The following ATP13A3 variants were observed in gnomAD, a reference collection of about 807,000 sequenced individuals.
ATP13A3 encodes ATPase 13A3.
In ATP13A3, 59 loss-of-function variants were observed where a neutral mutation model predicts 158.1. That is an observed-to-expected ratio of 0.37 (90% CI 0.30 to 0.46). The LOEUF is 0.46. Ranked by LOEUF, ATP13A3 falls within the 20% of genes least tolerant of loss-of-function variation. The probability of loss-of-function intolerance (pLI) is 1.00; values close to 1 mark genes in which losing one functional copy is unlikely to be tolerated. For missense variants in ATP13A3, 1,166 were observed against 1,525.2 expected, an observed-to-expected ratio of 0.76 and a Z score of 3.92; for synonymous variants, 491 against 504.3, an observed-to-expected ratio of 0.97 and a Z score of 0.35.
intron 1 of ATP13A3, among the ~76,000 whole-genome samples, chr3:194,486,217 C>G (rs947944304): frequency 6.6e-6 from 1 of 152,104 alleles, no homozygotes; most frequent in African/African-American, 2.4e-5. Flanking sequence ...TGAGGACGAG[C>G]TAGGGTCCCG....
chr3:194,415,661 C>CTTTTTT lies in ATP13A3; in HGVS notation c.3403-1828_3403-1823dup, dbSNP rs751005733. On this transcript the variant is annotated intron_variant, in intron 31 of 33. Coordinates refer to ENST00000645319, the MANE Select transcript of ATP13A3 (RefSeq NM_001367549.1). ...GTGCAAGGATTTACAATACCACATT[C>CTTTTTT]TTTTTTTTTTTTTTTTTTTTTTTTT... 3.4e-4 allele frequency among the ~76,000 whole-genome samples: 31 copies of CTTTTTT among 90,928 alleles called. 1 individual carries two copies. Among genetic ancestry groups the CTTTTTT allele is most frequent in the African/African-American group, 1.2e-3 (26 of 21,120 alleles). 59.7% of individuals were successfully genotyped at this position (90,928 alleles called of 152,430 possible). A position where few individuals can be genotyped will look rare whatever the true frequency, so the allele number is the denominator to read the frequency against.
At chr3:194,469,089 C>T (rs1455978820) in intron 2 of ATP13A3, among the ~76,000 whole-genome samples, 2 of 151,466 alleles carry the variant, frequency 1.3e-5, no homozygotes, top group African/African-American at 2.4e-5. Flanking sequence ...GCCAAGACTG[C>T]GCCACTGCAC....
chr3:194,409,735 T>C (rs1715218860), intron 33 of ATP13A3, among the ~76,000 whole-genome samples: 1 of 130,020 alleles, frequency 7.7e-6, no homozygotes, highest in African/African-American at 3.1e-5. Flanking sequence ...AGAGAGTAAG[T>C]ATTAACACCC....
At chr3:194,446,435 T>C (rs9882961) in intron 14 of ATP13A3, among the ~76,000 whole-genome samples, 16,378 of 152,236 alleles carry the variant, frequency 0.11, 1,486 homozygotes, top group African/African-American at 0.24. Context: ...GATGGCATCC[T>C]GTCTAGGGCT....
chr3:194,439,357 C>G (rs1717881528), intron 16 of ATP13A3, among the ~76,000 whole-genome samples: 1 of 152,166 alleles, frequency 6.6e-6, no homozygotes, highest in Non-Finnish European at 1.5e-5. Flanking sequence ...TTTCTGCTAC[C>G]AAGAAAGGAT....
upstream of ATP13A3, among the ~76,000 whole-genome samples, chr3:194,489,185 C>A (rs1384180346): frequency 6.6e-6 from 1 of 152,226 alleles, no homozygotes; most frequent in African/African-American, 2.4e-5. This position sits in a 1 kb window ranked among gnomAD's most constrained non-coding sequence, Gnocchi z 4.1. Context: ...TGGCTCATGC[C>A]TGTAATCCCA....
chr3:194,406,249 GA>G lies in ATP13A3; in HGVS notation c.3574-134del, dbSNP rs756177368. On this transcript the variant is annotated intron_variant, in intron 33 of 33. Transcript: ENST00000645319. ...TGACTTCTGAGCACAACGAATGGGG[GA>G]AAAAAAAATCCATGTTAAAAAAAGG... 3.8e-3 allele frequency: 3,529 copies of G among 921,806 alleles called. 11 individuals are homozygous for G. Among genetic ancestry groups the G allele is most frequent in the Middle Eastern group, 9.4e-3 (36 of 3,846 alleles). 57.1% of individuals were successfully genotyped at this position (921,806 alleles called of 1,614,324 possible).
At position 194,438,871 on chromosome 3, in the gene ATP13A3, T is replaced by G. The variant is rs1275349104; in HGVS notation, c.1812A>C (p.Ala604=). 1 of 1,591,356 alleles carries G rather than the reference T, an allele frequency of 6.3e-7. No homozygotes were observed. ...PKQLLPESTP[A]GNQEMELFEL... is the part of the protein sequence containing the mutation. ...GATTTCTCACCATTTCTTGGTTTCC[T>G]GCAGGGGTAGATTCAGGAAGCAGTT... Residue 604 remains alanine, a synonymous_variant, in exon 17 of 34, where the codon GCA becomes GCC. Transcript: ENST00000645319.
intron 30 of ATP13A3, among the ~76,000 whole-genome samples, chr3:194,423,559 G>A (rs927354497): frequency 6.6e-6 from 1 of 152,156 alleles, no homozygotes; most frequent in Admixed American, 6.5e-5. Flanking sequence ...CTTTTCAGAA[G>A]GCATGCTTTA....
At chr3:194,434,746 G>A (rs12152358) in intron 20 of ATP13A3, among the ~76,000 whole-genome samples, 30,536 of 151,922 alleles carry the variant, frequency 0.2, 3,552 homozygotes, top group African/African-American at 0.32. Flanking sequence ...GTGAGACCCC[G>A]TCTCTACAAA....
At chr3:194,413,904 A>G in intron 31 of ATP13A3, 65 bp from the exon 32 acceptor site, 1 of 1,371,256 alleles carries the variant, frequency 7.3e-7, no homozygotes, top group Non-Finnish European at 1.0e-6. Flanking sequence ...GCACTGTATC[A>G]TAATTTCTAA....
At chr3:194,447,259 C>T (rs1718470184) in intron 13 of ATP13A3, 144 bp from the exon 14 acceptor site, 2 of 644,838 alleles carry the variant, frequency 3.1e-6, no homozygotes, top group Admixed American at 3.7e-5. Flanking sequence ...TATCTATTAA[C>T]CATATATAAT....
chr3:194,469,170 A>C (rs948506790), intron 2 of ATP13A3, among the ~76,000 whole-genome samples: 4 of 151,906 alleles, frequency 2.6e-5, no homozygotes, highest in Non-Finnish European at 5.9e-5. Flanking sequence ...ATCATTCAAA[A>C]TTCACAGCTG....
intron 33 of ATP13A3, among the ~76,000 whole-genome samples, chr3:194,411,900 C>T (rs1715462722): frequency 6.6e-6 from 1 of 152,074 alleles, no homozygotes; most frequent in Admixed American, 6.5e-5. Flanking sequence ...AAAATTAACT[C>T]TCACCTTTGA....
At chr3:194,427,702 G>C (rs946181424) in intron 28 of ATP13A3, among the ~76,000 whole-genome samples, 6 of 150,528 alleles carry the variant, frequency 4.0e-5, no homozygotes, top group Non-Finnish European at 8.9e-5. Context: ...TTAAAAAATA[G>C]TAAAACTAAA....
At chr3:194,425,140 C>T (rs1284449829) in intron 30 of ATP13A3, among the ~76,000 whole-genome samples, 3 of 152,206 alleles carry the variant, frequency 2.0e-5, no homozygotes, top group Non-Finnish European at 4.4e-5. Flanking sequence ...AACAACAGTG[C>T]TTAACACTGG....
At chr3:194,433,969 A>G in intron 20 of ATP13A3, 73 bp from the exon 21 acceptor site, 2 of 1,395,034 alleles carry the variant, frequency 1.4e-6, no homozygotes, top group Non-Finnish European at 2.0e-6. Context: ...CAAACTTGAA[A>G]TATCTAAACA....
rs1014031887 is a variant in ATP13A3, at chr3:194,486,804, C to T, written c.-327G>A. On this transcript the variant is annotated 5_prime_UTR_variant, in exon 1 of 34. Transcript: ENST00000645319. ...GCGCTCTCCTCCTCCTCCGCGCCCG[C>T]GGCGGCGGCGTGCAGCCGGCAGGGC... 16 of 151,178 alleles carry T rather than the reference C, an allele frequency of 1.1e-4. No individual in the cohort carries two copies. The highest frequency in any genetic ancestry group is 1.9e-4 in the Non-Finnish European group (13 of 67,678). 9.4% of individuals were successfully genotyped at this position (151,178 alleles called of 1,614,324 possible).
intron 24 of ATP13A3, 69 bp from the exon 25 acceptor site, chr3:194,430,384 C>T (rs1560082344): frequency 2.0e-6 from 3 of 1,487,736 alleles, no homozygotes; most frequent in Non-Finnish European, 2.8e-6. Flanking sequence ...CTTATTAAGA[C>T]TTTTCTATTA....
Sources: gnomAD v4.1 joint callset for allele counts (sites outside exome capture counted in the v4.1 genomes callset) on GRCh38, gnomAD v4.1.1 for gene constraint, Gnocchi (gnomAD v3.1) non-coding constraint, MANE v1.5 for transcripts, NCBI Gene and HGNC (gene_info 2026-07-23, HGNC 2026-07-21) for gene names.